The following TMEM164 variants were observed in gnomAD, a reference collection of about 807,000 sequenced individuals.
TMEM164 encodes the protein RP13-360B22.2.
A neutral mutation model predicts 18.8 loss-of-function variants in TMEM164; 4 were observed. That is an observed-to-expected ratio of 0.21 (90% CI 0.10 to 0.49). TMEM164 has a LOEUF of 0.49. Ranked by LOEUF, TMEM164 falls within the 20% of genes least tolerant of loss-of-function variation. TMEM164 has a pLI of 0.98. For synonymous variants in TMEM164, 86 were observed against 101.7 expected, an observed-to-expected ratio of 0.85 and a Z score of 0.93; for missense variants, 108 against 239.9, an observed-to-expected ratio of 0.45 and a Z score of 3.63.
At chrX:110,066,899 A>T (rs1187091941) in intron 2 of TMEM164, among the ~76,000 whole-genome samples, 1 of 111,591 alleles carries the variant, frequency 9.0e-6, no homozygotes, top group African/African-American at 3.3e-5. Flanking sequence ...AAAACTATTC[A>T]TTGTTTATCT....
intron 2 of TMEM164, among the ~76,000 whole-genome samples, chrX:110,049,500 A>G (rs1194859310): frequency 9.0e-6 from 1 of 111,174 alleles, no homozygotes; most frequent in Non-Finnish European, 1.9e-5. Flanking sequence ...TCATGCTCCT[A>G]TGAGAATATA....
intron 4 of TMEM164, among the ~76,000 whole-genome samples, chrX:110,116,126 G>A (rs891281519): frequency 8.9e-6 from 1 of 111,805 alleles, no homozygotes; most frequent in African/African-American, 3.3e-5. Context: ...AGGCATTCAG[G>A]CTTGACTGCT....
intron 2 of TMEM164, among the ~76,000 whole-genome samples, chrX:110,008,845 C>T (rs976739015): frequency 1.8e-5 from 2 of 111,978 alleles, no homozygotes; most frequent in Non-Finnish European, 3.8e-5. Context: ...AACAGAGAAG[C>T]TGGGCAAAGC....
At chrX:110,054,901 T>G (rs760124805) in intron 2 of TMEM164, among the ~76,000 whole-genome samples, 15 of 111,998 alleles carry the variant, frequency 1.3e-4, no homozygotes, top group Non-Finnish European at 2.4e-4. Flanking sequence ...AACACTTGTG[T>G]GTATCAGCCC....
chrX:110,116,710 G>T (rs757062354), intron 4 of TMEM164, among the ~76,000 whole-genome samples: 2 of 111,437 alleles, frequency 1.8e-5, no homozygotes, highest in Admixed American at 1.9e-4. Flanking sequence ...GTGTGGATGG[G>T]ACTTTGGAAT....
At chrX:110,100,394 T>C (rs1305140301) in intron 3 of TMEM164, among the ~76,000 whole-genome samples, 1 of 111,820 alleles carries the variant, frequency 8.9e-6, no homozygotes, top group African/African-American at 3.3e-5. Flanking sequence ...TGATAATTTT[T>C]ATCATGAATA....
At chrX:110,128,394 T>G (rs1293105275) in intron 4 of TMEM164, among the ~76,000 whole-genome samples, 1 of 112,788 alleles carries the variant, frequency 8.9e-6, no homozygotes, top group African/African-American at 3.2e-5. Context: ...TGTTGTTGCT[T>G]TGAAAAGTCA....
rs1200414642 is a variant in TMEM164, at chrX:110,124,171, G to GC, written c.507+15025_507+15026insC. On this transcript the variant is annotated intron_variant, in intron 4 of 6. Coordinates refer to ENST00000372068, the MANE Select transcript of TMEM164 (RefSeq NM_032227.4). ...GGAAGGAAGGAAGGAAGGAAGGAAG[G>GC]AAGGAAGGCAGGAAGGCAGGCAGGC... Among the ~76,000 whole-genome samples, 190 of 102,655 alleles carry GC rather than the reference G, an allele frequency of 1.9e-3. 1 individual carries two copies. The highest frequency in any genetic ancestry group is 6.4e-3 in the African/African-American group (179 of 27,963). 89.1% of individuals were successfully genotyped at this position (102,655 alleles called of 115,157 possible).
chrX:110,112,025 C>CTAATA (rs2066296979), intron 4 of TMEM164, among the ~76,000 whole-genome samples: 1 of 110,462 alleles, frequency 9.1e-6, no homozygotes, highest in African/African-American at 3.3e-5. Context: ...CTGAGCAACA[C>CTAATA]AGTGAGAACT....
At chrX:110,037,984 ATTTT>A (rs1036705725) in intron 2 of TMEM164, among the ~76,000 whole-genome samples, 4 of 72,714 alleles carry the variant, frequency 5.5e-5, no homozygotes, top group African/African-American at 2.4e-4. Flanking sequence ...CTTTGGACTC[ATTTT>A]TTTTTTTTTT....
intron 2 of TMEM164, among the ~76,000 whole-genome samples, chrX:110,011,825 A>G (rs1464068884): frequency 1.8e-5 from 2 of 111,951 alleles, no homozygotes; most frequent in Non-Finnish European, 3.8e-5. Flanking sequence ...TCCTACCATA[A>G]GTTCGCAGAG....
chrX:110,006,350 C>T (rs1162163771), intron 2 of TMEM164, among the ~76,000 whole-genome samples: 2 of 111,279 alleles, frequency 1.8e-5, no homozygotes, highest in Non-Finnish European at 3.8e-5. Context: ...GATGATGGCA[C>T]TTTAGGACTC....
At chrX:110,133,954 C>A (rs965871767) in intron 4 of TMEM164, among the ~76,000 whole-genome samples, 6 of 111,831 alleles carry the variant, frequency 5.4e-5, no homozygotes, top group African/African-American at 2.0e-4. Context: ...TTAAAAGAAA[C>A]AGCTAAGTGA....
intron 3 of TMEM164, among the ~76,000 whole-genome samples, chrX:110,105,025 C>T (rs960548372): frequency 1.8e-5 from 2 of 111,265 alleles, no homozygotes; most frequent in Non-Finnish European, 3.8e-5. Flanking sequence ...TTTCTCTGGA[C>T]CTCCTTCTCA....
chrX:110,028,923 T>A (rs1359850413), intron 2 of TMEM164, among the ~76,000 whole-genome samples: 2 of 112,096 alleles, frequency 1.8e-5, no homozygotes, highest in Non-Finnish European at 3.8e-5. Context: ...CTTTACTTTA[T>A]ATATTTTTGA....
chrX:110,124,121 TGGAAGGAA>T (rs1200145593), intron 4 of TMEM164, among the ~76,000 whole-genome samples: 935 of 65,314 alleles, frequency 0.014, 11 homozygotes, highest in African/African-American at 0.018. Context: ...TAATAACAAA[TGGAAGGAA>T]GGAAGGAAGG....
At chrX:110,117,378 T>A (rs936951470) in intron 4 of TMEM164, among the ~76,000 whole-genome samples, 3 of 112,768 alleles carry the variant, frequency 2.7e-5, no homozygotes, top group African/African-American at 9.7e-5. Flanking sequence ...TTAATTTTAC[T>A]TTTAGGATTT....
intron 5 of TMEM164, among the ~76,000 whole-genome samples, chrX:110,147,770 G>C (rs1425008643): frequency 1.8e-5 from 2 of 110,586 alleles, no homozygotes; most frequent in African/African-American, 6.6e-5. Flanking sequence ...CTCAAGGTTT[G>C]GGCTTCTTAA....
At chrX:110,091,380 A>T (rs924842115) in intron 3 of TMEM164, among the ~76,000 whole-genome samples, 2 of 111,886 alleles carry the variant, frequency 1.8e-5, no homozygotes, top group African/African-American at 6.5e-5. Context: ...TTGTTTCCTG[A>T]CTTTTTAATG....
Sources: allele counts gnomAD v4.1 joint callset (sites outside exome capture counted in the v4.1 genomes callset), GRCh38; gene constraint gnomAD v4.1.1; transcripts MANE v1.5; gene names NCBI Gene and HGNC (gene_info 2026-07-23, HGNC 2026-07-21).